Variants in TSC22D1 observed in about 807,000 individuals in gnomAD.
TSC22D1 encodes the protein TSC22 domain family protein 1.
TSC22D1 carries 9 observed loss-of-function variants against 74.2 expected under a neutral mutation model. The ratio of observed to expected loss-of-function variants is 0.12; its 90% CI spans 0.07 to 0.21. The LOEUF is 0.21. TSC22D1 is among the 10% of genes least tolerant of loss of function. TSC22D1 has a pLI of 1.00. For synonymous variants in TSC22D1, 586 were observed against 492.5 expected (o/e 1.19, Z -2.51); for missense variants, 1,427 against 1,304.7 (o/e 1.09, Z -1.44).
chr13:44,511,746 C>A (rs1879729026), intron 1 of TSC22D1, among the ~76,000 whole-genome samples: 1 of 151,924 alleles, frequency 6.6e-6, no homozygotes, highest in Non-Finnish European at 1.5e-5. Flanking sequence ...TTAAATGCTG[C>A]CACCAATGAA....
chr13:44,474,207 G>A, intron 1 of TSC22D1: 3 of 980,838 alleles, frequency 3.1e-6, no homozygotes, highest in Non-Finnish European at 3.6e-6. Flanking sequence ...GAATTACAGT[G>A]AGGTACTCAC....
At chr13:44,436,685 T>TATA in intron 1 of TSC22D1, 1 of 1,556,828 alleles carries the variant, frequency 6.4e-7, no homozygotes, top group Non-Finnish European at 8.7e-7. Flanking sequence ...AGCAGCCTTG[T>TATA]ATAAGCTAGA....
At chr13:44,514,467 T>C (rs1016022727) in intron 1 of TSC22D1, among the ~76,000 whole-genome samples, 5 of 151,896 alleles carry the variant, frequency 3.3e-5, no homozygotes, top group African/African-American at 1.2e-4. Flanking sequence ...GAAAAACGTT[T>C]ACTACTCATA....
chr13:44,434,946 C>T, intron 2 of TSC22D1, 63 bp from the exon 3 acceptor site: 1 of 1,412,532 alleles, frequency 7.1e-7, no homozygotes, highest in Non-Finnish European at 9.7e-7. Flanking sequence ...TTTTGAGTTT[C>T]CAAGACATTA....
chr13:44,444,208 G>A (rs1225642307), intron 1 of TSC22D1, among the ~76,000 whole-genome samples: 1 of 141,548 alleles, frequency 7.1e-6, no homozygotes, highest in Admixed American at 7.5e-5. Flanking sequence ...GAACCTGGGA[G>A]GCAGAGGCTG....
At chr13:44,437,933 C>A (rs1389310667) in intron 1 of TSC22D1, among the ~76,000 whole-genome samples, 2 of 152,298 alleles carry the variant, frequency 1.3e-5, no homozygotes, top group East Asian at 3.9e-4. Flanking sequence ...GTTTCACCCT[C>A]TTGGCCACAC....
At chr13:44,502,802 G>A (rs1456887637) in intron 1 of TSC22D1, among the ~76,000 whole-genome samples, 1 of 152,158 alleles carries the variant, frequency 6.6e-6, no homozygotes, top group Admixed American at 6.5e-5. Context: ...ATCTAACCAT[G>A]TTATTCTGAA....
chr13:44,471,710 A>C (rs1259462654), intron 1 of TSC22D1, among the ~76,000 whole-genome samples: 1 of 152,218 alleles, frequency 6.6e-6, no homozygotes, highest in Non-Finnish European at 1.5e-5. Context: ...TACTTTTAGA[A>C]AATTGTTAAG....
chr13:44,561,409 A>G (rs1426731695), intron 1 of TSC22D1, among the ~76,000 whole-genome samples: 1 of 152,204 alleles, frequency 6.6e-6, no homozygotes, highest in African/African-American at 2.4e-5. Context: ...CAAAAACAAA[A>G]AAGAGCCCTC....
At chr13:44,551,389 G>GGTGGGTGTGTGT (rs1298469090) in intron 1 of TSC22D1, among the ~76,000 whole-genome samples, 141 of 125,302 alleles carry the variant, frequency 1.1e-3, no homozygotes, top group African/African-American at 4.1e-3. Context: ...CAATCAGATG[G>GGTGGGTGTGTGT]GTGTGTGTGT....
intron 1 of TSC22D1, among the ~76,000 whole-genome samples, chr13:44,511,302 A>T (rs1566146278): frequency 1.3e-5 from 2 of 152,040 alleles, no homozygotes; most frequent in African/African-American, 4.8e-5. Context: ...ACCAAAAAAA[A>T]TTTTCAAACA....
At chr13:44,523,406 T>C (rs1880406051) in intron 1 of TSC22D1, among the ~76,000 whole-genome samples, 1 of 152,174 alleles carries the variant, frequency 6.6e-6, no homozygotes, top group South Asian at 2.1e-4. Context: ...CTGTCCTTCA[T>C]TAGATGATGG....
At position 44,433,385 on chromosome 13, in the gene TSC22D1, G is replaced by T. The variant is rs1476149990; in HGVS notation, c.*1241C>A. The T allele has an allele frequency of 6.6e-6, 1 of 152,354 alleles. No individual in the cohort carries two copies. The highest frequency in any genetic ancestry group is 2.4e-5 in the African/African-American group (1 of 41,424). The allele number at this position is 152,354 out of a possible 1,614,324, so 9.4% of individuals were successfully genotyped here. ...ATGTGTCAATTTCCTTTTACTTCAT[G>T]CAGTCAAATCACGCCCCTACTTTTC... On this transcript the variant is annotated 3_prime_UTR_variant, in exon 3 of 3. Coordinates refer to ENST00000458659, the MANE Select transcript of TSC22D1 (RefSeq NM_183422.4).
At chr13:44,502,776 C>T (rs1879273683) in intron 1 of TSC22D1, among the ~76,000 whole-genome samples, 1 of 152,202 alleles carries the variant, frequency 6.6e-6, no homozygotes. Flanking sequence ...AGATTCAAAT[C>T]CAGGCTAGCT....
intron 1 of TSC22D1, among the ~76,000 whole-genome samples, chr13:44,473,325 T>C (rs1877712852): frequency 6.6e-6 from 1 of 151,888 alleles, no homozygotes; most frequent in Non-Finnish European, 1.5e-5. Flanking sequence ...TGAAAACCCA[T>C]CTCTACAAAA....
chr13:44,503,101 A>G (rs1365847920), intron 1 of TSC22D1, among the ~76,000 whole-genome samples: 2 of 152,226 alleles, frequency 1.3e-5, no homozygotes, highest in Non-Finnish European at 1.5e-5. Flanking sequence ...AAGCCTCTCG[A>G]GCCAAACTAT....
At chr13:44,549,329 C>T (rs2138138183) in intron 1 of TSC22D1, among the ~76,000 whole-genome samples, 1 of 152,264 alleles carries the variant, frequency 6.6e-6, no homozygotes, top group African/African-American at 2.4e-5. Flanking sequence ...AGACAGAACA[C>T]ATCTACTTAC....
At chr13:44,545,976 C>CAA (rs200824826) in intron 1 of TSC22D1, among the ~76,000 whole-genome samples, 1 of 130,434 alleles carries the variant, frequency 7.7e-6, no homozygotes, top group Admixed American at 7.9e-5. Context: ...GACTCCGTCT[C>CAA]AAAAAAAAAA....
intron 1 of TSC22D1, chr13:44,539,705 T>C (rs1243179269): frequency 1.7e-6 from 2 of 1,192,368 alleles, no homozygotes; most frequent in African/African-American, 1.6e-5. Context: ...CAGAATTAAA[T>C]GGGCAATGGA....
Sources: allele counts gnomAD v4.1 joint callset (sites outside exome capture counted in the v4.1 genomes callset), GRCh38; gene constraint gnomAD v4.1.1; transcripts MANE v1.5; gene names NCBI Gene and HGNC (gene_info 2026-07-23, HGNC 2026-07-21).